CDX2: variants seen among roughly 807,000 people sequenced by gnomAD.
CDX2 encodes the protein caudal type homeobox 2, also known as homeobox protein CDX-2.
Under a neutral mutation model 25.5 loss-of-function variants are expected in CDX2, and 7 were observed. That is an observed-to-expected ratio of 0.27 (90% CI 0.16 to 0.52). The LOEUF is 0.52. Among genes scored for constraint, CDX2 ranks in the 20% least tolerant of loss-of-function variants. CDX2 has a pLI of 0.97. For missense variants in CDX2, 375 were observed against 431.4 expected, an observed-to-expected ratio of 0.87 and a Z score of 1.16; for synonymous variants, 222 against 198.6, an observed-to-expected ratio of 1.12 and a Z score of -0.99.
At chr13:27,963,442 TATC>T (rs1217908637) in intron 2 of CDX2, 73 bp from the exon 3 acceptor site, 1 of 1,216,518 alleles carries the variant, frequency 8.2e-7, no homozygotes, top group African/African-American at 1.5e-5. Flanking sequence ...TACCCAGCAG[TATC>T]ATCAACATCT....
At position 27,963,315 on chromosome 13, in the gene CDX2, T is replaced by C. The variant is rs750798566; in HGVS notation, c.742A>G (p.Lys248Glu). The change falls in exon 3 of 3, where the codon AAG (lysine) becomes GAG (glutamate). Residue 248 changes from lysine to glutamate, a missense_variant. Physicochemically the swap from Lys to Glu is moderately conservative, Grantham distance 56. Around this residue, in one of 3 missense-constraint regions of CDX2, gnomAD observed 64 missense variants for 124.6 expected, o/e 0.51. Coordinates refer to ENST00000381020, the MANE Select transcript of CDX2 (RefSeq NM_001265.6). Reference sequence around the variant, plus strand: ...TGCTGCTGCTGTTGCTGCTGCAACTTCTTCTTGTTGATTTTCCTCTCCTTT... The same window carrying C: ...TGCTGCTGCTGTTGCTGCTGCAACTCCTTCTTGTTGATTTTCCTCTCCTTT... Reference protein sequence around the residue: ...RAKERKINKKKLQQQQQQQPP... With the variant: ...RAKERKINKKELQQQQQQQPP... 7 of 1,613,142 alleles carry C rather than the reference T, an allele frequency of 4.3e-6. No individual in the cohort carries two copies. The East Asian group carries it at 1.6e-4, about 36-fold the overall frequency.
intron 2 of CDX2, among the ~76,000 whole-genome samples, 198 bp from the exon 3 acceptor site, chr13:27,963,567 T>C (rs1462349388): frequency 6.6e-6 from 1 of 151,856 alleles, no homozygotes; most frequent in African/African-American, 2.4e-5. Flanking sequence ...TGGGGAAGAG[T>C]CTTCCTCCTT....
At chr13:27,967,897 C>G (rs1323736736) in intron 1 of CDX2, among the ~76,000 whole-genome samples, 1 of 152,196 alleles carries the variant, frequency 6.6e-6, no homozygotes, top group African/African-American at 2.4e-5. Flanking sequence ...GACAGCAGCT[C>G]TCCCTGGTCT....
rs1869127177 is a variant in CDX2, at chr13:27,962,954, C to A, written c.*161G>T. ...AGTATATTTCTTGAGGCCCCAAATC[C>A]CACTTGTCTTACTCCTGGCTCCCAT... On this transcript the variant is annotated 3_prime_UTR_variant, in exon 3 of 3. Transcript: ENST00000381020. 1.1e-6 allele frequency: 1 copy of A among 873,596 alleles called. No individual in the cohort carries two copies. Among genetic ancestry groups the A allele is most frequent in the Non-Finnish European group, 1.6e-6 (1 of 621,328 alleles). 54.1% of individuals were successfully genotyped at this position (873,596 alleles called of 1,614,324 possible).
Position 27,968,845 on chromosome 13 carries a change from G to T in CDX2, c.162C>A (p.Asn54Lys), listed in dbSNP as rs1869487367. 1.3e-6 allele frequency: 2 copies of T among 1,585,794 alleles called. No individual in the cohort carries two copies. The highest frequency in any genetic ancestry group is 1.1e-5 in the South Asian group (1 of 87,796). Reference sequence around the variant, plus strand: ...GCCCCGGGGACTGCGCGCTGTCCAAGTTCGCTGCCGCTGCAGCTGCGGCCG... The same window carrying T: ...GCCCCGGGGACTGCGCGCTGTCCAATTTCGCTGCCGCTGCAGCTGCGGCCG... ...HVAAAAAAAA[N>K]LDSAQSPGPS... Residue 54 changes from asparagine to lysine, a missense_variant, in exon 1 of 3, where the codon AAC becomes AAA. Physicochemically the swap from Asn to Lys is moderately conservative, Grantham distance 94 (BLOSUM62 0). This residue lies in a region of CDX2 where 253 missense variants were observed against 247.5 expected (regional missense o/e 1.02). Transcript: ENST00000381020.
chr13:27,967,632 C>T (rs765040868), intron 1 of CDX2, among the ~76,000 whole-genome samples: 2 of 152,276 alleles, frequency 1.3e-5, no homozygotes, highest in South Asian at 2.1e-4. Flanking sequence ...TTCAGTTGCA[C>T]ACACACACTC....
rs1869518444 is a variant in CDX2 at position 27,969,283 on chromosome 13, T to TGCG, written c.-280_-278dup. 2 of 490,564 alleles carry TGCG rather than the reference T, an allele frequency of 4.1e-6. No individual in the cohort carries two copies. Among genetic ancestry groups the TGCG allele is most frequent in the Admixed American group, 7.9e-5 (2 of 25,338 alleles). The allele number at this position is 490,564 out of a possible 1,614,324, so 30.4% of individuals were successfully genotyped here. On this transcript the variant is annotated 5_prime_UTR_variant, in exon 1 of 3. Transcript: ENST00000381020. Reference sequence around the variant, plus strand: ...GGGGAAGACCCGCCACAGGCTGGCGTGCGGAGCCCCAGGCCGGCGGCCTTC... The same window carrying TGCG: ...GGGGAAGACCCGCCACAGGCTGGCGTGCGGCGGAGCCCCAGGCCGGCGGCCTTC...
At chr13:27,967,704 C>A (rs1869402918) in intron 1 of CDX2, among the ~76,000 whole-genome samples, 1 of 152,228 alleles carries the variant, frequency 6.6e-6, no homozygotes, top group South Asian at 2.1e-4. Flanking sequence ...CCTGGAGCGG[C>A]GGCTTAATTC....
intron 1 of CDX2, among the ~76,000 whole-genome samples, chr13:27,966,253 G>A (rs1016225892): frequency 1.3e-4 from 20 of 152,240 alleles, no homozygotes; most frequent in Middle Eastern, 3.2e-3. Flanking sequence ...CCCGCCAGGC[G>A]CATTAACATA....
rs577480897 is a variant in CDX2, at chr13:27,968,743, G to T, written c.264C>A (p.Ala88=). The change falls in exon 1 of 3, where the codon GCC becomes GCA. Residue 88 remains alanine, a synonymous_variant. Coordinates refer to ENST00000381020, the MANE Select transcript of CDX2 (RefSeq NM_001265.6). ...NGYAPGGAAA[A]ANAVAHGLNG... Reference sequence around the variant, plus strand: ...TGAGGCCGTGAGCCACGGCGTTGGCGGCGGCCGCGGCGCCTCCGGGCGCGT... The same window carrying T: ...TGAGGCCGTGAGCCACGGCGTTGGCTGCGGCCGCGGCGCCTCCGGGCGCGT... The T allele has an allele frequency of 6.6e-7, 1 of 1,504,142 alleles. No individual in the cohort carries two copies. Among genetic ancestry groups the T allele is most frequent in the African/African-American group, 1.4e-5 (1 of 70,270 alleles). The allele number at this position is 1,504,142 out of a possible 1,614,324, so 93.2% of individuals were successfully genotyped here.
At position 27,969,223 on chromosome 13, in the gene CDX2, T is replaced by G; in HGVS notation, c.-217A>C. Reference sequence around the variant, plus strand: ...CTCCCTCCCTCCCTTTCTTCCTTCTTTCCTCCCACCTCCTTCCCACTAGGC... The same window carrying G: ...CTCCCTCCCTCCCTTTCTTCCTTCTGTCCTCCCACCTCCTTCCCACTAGGC... On this transcript the variant is annotated 5_prime_UTR_variant, in exon 1 of 3. Coordinates refer to ENST00000381020, the MANE Select transcript of CDX2 (RefSeq NM_001265.6). The G allele has an allele frequency of 1.8e-6, 1 of 541,416 alleles. No individual in the cohort carries two copies. The highest frequency in any genetic ancestry group is 3.6e-5 in the Admixed American group (1 of 27,572). The allele number at this position is 541,416 out of a possible 1,614,324, so 33.5% of individuals were successfully genotyped here.
chr13:27,963,493 C>A, intron 2 of CDX2, 124 bp from the exon 3 acceptor site: 2 of 824,552 alleles, frequency 2.4e-6, no homozygotes, highest in Non-Finnish European at 3.7e-6. Context: ...CTTCTAGAAG[C>A]TTTCCTCGGG....
rs1171372551 is a variant in CDX2 at position 27,961,075 on chromosome 13, C to A, written c.*2040G>T. On this transcript the variant is annotated 3_prime_UTR_variant, in exon 3 of 3. Coordinates refer to ENST00000381020, the MANE Select transcript of CDX2 (RefSeq NM_001265.6). ...CTGACCCAGGACCCCTGACCCAGGA[C>A]CCCTCGCCCAGCGGACCCGGACACG... 6.6e-6 allele frequency among the ~76,000 whole-genome samples: 1 copy of A among 152,098 alleles called. No individual in the cohort carries two copies. Among genetic ancestry groups the A allele is most frequent in the African/African-American group, 2.4e-5 (1 of 41,416 alleles).
In CDX2 at chr13:27,962,972, G is replaced by A. The variant is rs1869127868; in HGVS notation, c.*143C>T. On this transcript the variant is annotated 3_prime_UTR_variant, in exon 3 of 3. Transcript: ENST00000381020. The stretch of plus-strand genomic sequence containing the variant: ...CCAAATCCCACTTGTCTTACTCCTG[G>A]CTCCCATTTTTCCTCTGAGAGCCAG... 1.2e-5 allele frequency: 12 copies of A among 1,026,246 alleles called. No homozygotes were observed. The highest frequency in any genetic ancestry group is 2.7e-5 in the East Asian group (1 of 36,374). The allele number at this position is 1,026,246 out of a possible 1,614,324, so 63.6% of individuals were successfully genotyped here.
Sources: gnomAD v4.1 joint callset for allele counts (sites outside exome capture counted in the v4.1 genomes callset) on GRCh38, gnomAD v4.1.1 for gene constraint, gnomAD v4.1.1 regional missense constraint, MANE v1.5 for transcripts, NCBI Gene and HGNC (gene_info 2026-07-23, HGNC 2026-07-21) for gene names.